The following PLCH1 variants were observed in gnomAD, a reference collection of about 807,000 sequenced individuals.
The protein encoded by PLCH1 is phospholipase C eta 1.
In PLCH1, 60 loss-of-function variants were observed where a neutral mutation model predicts 126.7. The ratio of observed to expected loss-of-function variants is 0.47; its 90% CI spans 0.38 to 0.59. PLCH1 has a LOEUF of 0.59. Among genes scored for constraint, PLCH1 ranks in the 20% least tolerant of loss-of-function variants. PLCH1 has a pLI of 0.00. For missense variants in PLCH1, 1,723 were observed against 2,040.0 expected, an observed-to-expected ratio of 0.84 and a Z score of 2.99; for synonymous variants, 719 against 734.9, an observed-to-expected ratio of 0.98 and a Z score of 0.35.
At chr3:155,600,085 A>T (rs577063889) in intron 2 of PLCH1, among the ~76,000 whole-genome samples, 1 of 152,282 alleles carries the variant, frequency 6.6e-6, no homozygotes, top group South Asian at 2.1e-4. Context: ...TAAATTGAAA[A>T]ATCAAGTCCA....
chr3:155,536,754 G>T (rs912866532), intron 10 of PLCH1, among the ~76,000 whole-genome samples: 1 of 152,114 alleles, frequency 6.6e-6, no homozygotes, highest in Non-Finnish European at 1.5e-5. Context: ...ACCTATTTGA[G>T]GGAATAATTG....
intron 2 of PLCH1, among the ~76,000 whole-genome samples, chr3:155,698,555 G>C (rs1338889669): frequency 1.3e-5 from 2 of 152,186 alleles, no homozygotes; most frequent in South Asian, 4.1e-4. Flanking sequence ...ATTAGCCTGT[G>C]TTTAAAAGTA....
chr3:155,737,619 CA>C (rs1749295025), intron 1 of PLCH1, among the ~76,000 whole-genome samples: 1 of 152,168 alleles, frequency 6.6e-6, no homozygotes, highest in Admixed American at 6.5e-5. Context: ...TTCTATGAAG[CA>C]ATCTCTTCTT....
rs2107985920 is a variant in PLCH1 at position 155,473,909 on chromosome 3, T to G, written c.2938+11447A>C. Among the ~76,000 whole-genome samples, 4 of 151,814 alleles carry G rather than the reference T, an allele frequency of 2.6e-5. 1 individual carries two copies. The South Asian group carries it at 8.4e-4, about 32-fold the overall frequency. ...TGAAACTGGATCCCTTCCTTACACT[T>G]TATACAAAAATCAATTCAAGATGGA... On this transcript the variant is annotated intron_variant, in intron 21 of 21. Coordinates refer to the PLCH1 transcript ENST00000494598.
chr3:155,549,820 G>A lies in PLCH1; in HGVS notation c.1329C>T (p.Ser443=), dbSNP rs991203027. 5 of 1,613,460 alleles carry A rather than the reference G, an allele frequency of 3.1e-6. No individual in the cohort carries two copies. Among genetic ancestry groups the A allele is most frequent in the Non-Finnish European group, 4.2e-6 (5 of 1,179,754 alleles). The change falls in exon 10 of 23, where the codon AGC becomes AGT. Residue 443 remains serine (S), a synonymous_variant. Coordinates refer to ENST00000460012, the MANE Select transcript of PLCH1 (RefSeq NM_014996.4). ...GAATTTTGCCTTTCAAACTTTGAGG[G>A]CTTGGAAGCTGCTTGCACTCCCCTG... The part of the protein sequence containing the change: ...VDTGECKQLP[S]PQSLKGKILV...
intron 21 of PLCH1, among the ~76,000 whole-genome samples, chr3:155,473,264 A>G (rs1713366738): frequency 6.6e-6 from 1 of 151,380 alleles, no homozygotes; most frequent in Admixed American, 6.6e-5. Context: ...CAAAAATCAC[A>G]AGCATTCTTA....
intron 10 of PLCH1, among the ~76,000 whole-genome samples, chr3:155,549,563 C>T (rs1420149557): frequency 6.6e-6 from 1 of 152,076 alleles, no homozygotes; most frequent in Non-Finnish European, 1.5e-5. Flanking sequence ...TTGATGTTTC[C>T]ACTTCATAAG....
chr3:155,562,476 T>C (rs1412793337), intron 8 of PLCH1, among the ~76,000 whole-genome samples: 2 of 152,206 alleles, frequency 1.3e-5, no homozygotes, highest in Non-Finnish European at 2.9e-5. Context: ...CTTGAAGATA[T>C]TTAATATGAT....
At chr3:155,502,202 T>A (rs1232258832) in intron 13 of PLCH1, among the ~76,000 whole-genome samples, 4 of 152,194 alleles carry the variant, frequency 2.6e-5, no homozygotes, top group African/African-American at 9.6e-5. Context: ...ACCAGGCTGG[T>A]AAACTGGCTA....
chr3:155,571,807 G>T (rs1158584878), intron 6 of PLCH1, among the ~76,000 whole-genome samples: 2 of 152,172 alleles, frequency 1.3e-5, no homozygotes, highest in Admixed American at 6.5e-5. Context: ...ATAATAATAA[G>T]ATCTTCTGGA....
rs189951933 is a variant in PLCH1, at chr3:155,679,002, T to A, written c.79+25144A>T. Among the ~76,000 whole-genome samples, 25 of 152,326 alleles carry A rather than the reference T, an allele frequency of 1.6e-4. No homozygotes were observed. The Middle Eastern group carries it at 0.01, about 62-fold the overall frequency. On this transcript the variant is annotated intron_variant, in intron 2 of 22. Coordinates refer to ENST00000460012, the MANE Select transcript of PLCH1 (RefSeq NM_014996.4). ...TTTCACACCTGAGTTCTACTTCTGATTTCTTAAAGAAACATCATAAAGTGT... is the reference window on the plus strand; with the variant it reads ...TTTCACACCTGAGTTCTACTTCTGAATTCTTAAAGAAACATCATAAAGTGT...
intron 21 of PLCH1, among the ~76,000 whole-genome samples, chr3:155,453,707 A>C (rs1191465054): frequency 6.7e-6 from 1 of 148,330 alleles, no homozygotes; most frequent in African/African-American, 2.5e-5. Flanking sequence ...TTTCTATATA[A>C]ATTTCTGATT....
At position 155,711,334 on chromosome 3, in the gene PLCH1, T is replaced by A. The variant is rs559638693; in HGVS notation, c.-40-7070A>T. 2.6e-5 allele frequency among the ~76,000 whole-genome samples: 4 copies of A among 152,296 alleles called. No homozygotes were observed. The South Asian group carries it at 8.3e-4, about 32-fold the overall frequency. ...TAAAATTTCTTTATTCCTGACATTT[T>A]TAGTTGTAGTTAACACGACCAAAAT... On this transcript the variant is annotated intron_variant, in intron 1 of 22. Transcript: ENST00000460012.
chr3:155,609,424 A>G (rs1445709236), intron 2 of PLCH1, among the ~76,000 whole-genome samples: 2 of 152,192 alleles, frequency 1.3e-5, no homozygotes, highest in Admixed American at 1.3e-4. Context: ...TTTCCAATGA[A>G]ATAGTCTACC....
intron 7 of PLCH1, 77 bp from the exon 8 acceptor site, chr3:155,565,195 T>C: frequency 4.6e-6 from 4 of 861,240 alleles, no homozygotes; most frequent in Non-Finnish European, 5.7e-6. Context: ...GCAAAAGGGG[T>C]CAAAAAATGT....
intron 8 of PLCH1, among the ~76,000 whole-genome samples, chr3:155,563,338 C>T (rs182795136): frequency 6.6e-6 from 1 of 152,186 alleles, no homozygotes; most frequent in Non-Finnish European, 1.5e-5. Context: ...ATACATGTTA[C>T]AAAATCAATC....
chr3:155,565,441 T>G (rs1442302227), intron 7 of PLCH1, among the ~76,000 whole-genome samples: 1 of 152,034 alleles, frequency 6.6e-6, no homozygotes, highest in Admixed American at 6.6e-5. Context: ...TCCTGAGATC[T>G]GTTTGTTTAA....
At chr3:155,671,444 C>T (rs1743441884) in intron 2 of PLCH1, among the ~76,000 whole-genome samples, 1 of 152,032 alleles carries the variant, frequency 6.6e-6, no homozygotes, top group Admixed American at 6.6e-5. Flanking sequence ...TATATAGTCA[C>T]AATAATGTAA....
chr3:155,591,703 C>T (rs1245344934), intron 4 of PLCH1, among the ~76,000 whole-genome samples: 1 of 152,156 alleles, frequency 6.6e-6, no homozygotes, highest in East Asian at 1.9e-4. Context: ...ATAGGTCCCA[C>T]ATAAACAAAA....
Sources: gnomAD v4.1 joint callset for allele counts (sites outside exome capture counted in the v4.1 genomes callset) on GRCh38, gnomAD v4.1.1 for gene constraint, MANE v1.5 for transcripts, NCBI Gene and HGNC (gene_info 2026-07-23, HGNC 2026-07-21) for gene names.